The following GPC5 variants were observed in gnomAD, a reference collection of about 807,000 sequenced individuals.
The protein encoded by GPC5 is glypican 5.
In GPC5, 47 loss-of-function variants were observed where a neutral mutation model predicts 53.9. The observed-to-expected ratio is 0.87, with a 90% CI of 0.69 to 1.11. The LOEUF (loss-of-function observed/expected upper bound fraction) is 1.11. GPC5 is among the 50% of genes most tolerant of loss of function. The pLI, the probability that GPC5 is intolerant of heterozygous loss-of-function variation, is 0.00. For missense variants in GPC5, 748 were observed against 713.1 expected (o/e 1.05, Z -0.56); for synonymous variants, 286 against 263.3 (o/e 1.09, Z -0.84).
At chr13:91,860,988 A>G (rs745678465) in intron 5 of GPC5, among the ~76,000 whole-genome samples, 16 of 152,192 alleles carry the variant, frequency 1.1e-4, no homozygotes, top group African/African-American at 1.7e-4. Flanking sequence ...ACTATGAGTT[A>G]GTGTTTCATG....
chr13:91,464,457 A>C (rs1220337606), intron 2 of GPC5, among the ~76,000 whole-genome samples: 1 of 152,166 alleles, frequency 6.6e-6, no homozygotes, highest in Non-Finnish European at 1.5e-5. Flanking sequence ...TAGTAGCCCC[A>C]AACAGGAAAT....
At chr13:92,389,782 C>A (rs1423572888) in intron 7 of GPC5, among the ~76,000 whole-genome samples, 1 of 152,106 alleles carries the variant, frequency 6.6e-6, no homozygotes, top group African/African-American at 2.4e-5. Flanking sequence ...TATGAACACA[C>A]TGATATTAGT....
intron 6 of GPC5, among the ~76,000 whole-genome samples, chr13:91,930,743 C>T (rs1222269829): frequency 6.6e-6 from 1 of 152,040 alleles, no homozygotes; most frequent in Admixed American, 6.6e-5. Flanking sequence ...CCAAACTAAT[C>T]ATTCTTTGAC....
Position 91,950,040 on chromosome 13 carries a change from T to C in GPC5, c.1401+41983T>C, listed in dbSNP as rs146620763. 3.3e-3 allele frequency among the ~76,000 whole-genome samples: 497 copies of C among 152,224 alleles called. 4 individuals carry two copies. Among genetic ancestry groups the C allele is most frequent in the African/African-American group, 0.011 (468 of 41,552 alleles). ...GCATCAATTAAAAATATATAAATGC[T>C]TAATTAAGCTTTGGAGGGAACAGCC... On this transcript the variant is annotated intron_variant, in intron 6 of 7. Coordinates refer to ENST00000377067, the MANE Select transcript of GPC5 (RefSeq NM_004466.6).
chr13:92,479,354 C>G (rs139627915), intron 7 of GPC5, among the ~76,000 whole-genome samples: 1 of 152,042 alleles, frequency 6.6e-6, no homozygotes. Flanking sequence ...TAGAAGCAAG[C>G]GATAAACTTC....
intron 7 of GPC5, among the ~76,000 whole-genome samples, chr13:92,533,885 T>C (rs1190281866): frequency 6.6e-6 from 1 of 152,196 alleles, no homozygotes; most frequent in Non-Finnish European, 1.5e-5. Flanking sequence ...ACATTATTAA[T>C]AAAACTTTCA....
intron 6 of GPC5, among the ~76,000 whole-genome samples, chr13:92,143,619 T>C (rs771930326): frequency 6.6e-6 from 1 of 152,184 alleles, no homozygotes; most frequent in African/African-American, 2.4e-5. Flanking sequence ...ACTGTCAAAT[T>C]GTTTTAGTAT....
chr13:92,792,268 A>C (rs563717744), intron 7 of GPC5, among the ~76,000 whole-genome samples: 3 of 152,088 alleles, frequency 2.0e-5, no homozygotes, highest in African/African-American at 7.2e-5. Flanking sequence ...CATTCTTAAA[A>C]AGAATTTTCA....
chr13:92,347,710 A>G (rs2043424999), intron 7 of GPC5, among the ~76,000 whole-genome samples: 1 of 147,250 alleles, frequency 6.8e-6, no homozygotes, highest in South Asian at 2.1e-4. Context: ...TATTAAAACT[A>G]TAGCTGAAAT....
chr13:91,808,864 G>A lies in GPC5; in HGVS notation c.1280+52444G>A, dbSNP rs547049164. 8.5e-5 allele frequency among the ~76,000 whole-genome samples: 13 copies of A among 152,260 alleles called. 1 individual carries two copies. Among genetic ancestry groups the A allele is most frequent in the Admixed American group, 7.2e-4 (11 of 15,270 alleles). ...GAGGCAATAAACTATTTCTGAGCCA[G>A]TGCTAGCATTGTTTCACATCTCTGT... is the stretch of plus-strand genomic sequence containing the variant. On this transcript the variant is annotated intron_variant, in intron 5 of 7. Coordinates refer to ENST00000377067, the MANE Select transcript of GPC5 (RefSeq NM_004466.6).
chr13:91,678,862 T>G (rs1315801264), intron 2 of GPC5, among the ~76,000 whole-genome samples: 1 of 152,142 alleles, frequency 6.6e-6, no homozygotes, highest in African/African-American at 2.4e-5. Flanking sequence ...GAGAATGCCA[T>G]GTACTACTTA....
intron 7 of GPC5, among the ~76,000 whole-genome samples, chr13:92,220,910 T>C (rs2139087446): frequency 6.6e-6 from 1 of 152,314 alleles, no homozygotes; most frequent in African/African-American, 2.4e-5. Flanking sequence ...TGTTGTAGAC[T>C]CTTTAATGTC....
chr13:91,993,012 T>A (rs1371221963), intron 6 of GPC5, among the ~76,000 whole-genome samples: 2 of 152,348 alleles, frequency 1.3e-5, no homozygotes, highest in South Asian at 2.1e-4. Context: ...GAATGTGTCA[T>A]TCTTAGTAAA....
chr13:92,738,717 A>G (rs1436138156), intron 7 of GPC5, among the ~76,000 whole-genome samples: 1 of 152,128 alleles, frequency 6.6e-6, no homozygotes, highest in Non-Finnish European at 1.5e-5. Context: ...CAGACCAAGC[A>G]TCACTTTATT....
intron 5 of GPC5, among the ~76,000 whole-genome samples, chr13:91,867,602 A>T (rs974865515): frequency 1.3e-5 from 2 of 152,234 alleles, no homozygotes; most frequent in African/African-American, 4.8e-5. Context: ...CCCTATCACA[A>T]AAAGACAATG....
At chr13:91,843,243 A>C (rs1044028167) in intron 5 of GPC5, among the ~76,000 whole-genome samples, 15 of 152,316 alleles carry the variant, frequency 9.8e-5, no homozygotes, top group Admixed American at 5.9e-4. Context: ...ATACACACAA[A>C]ATTACAAATA....
intron 3 of GPC5, among the ~76,000 whole-genome samples, chr13:91,704,066 A>G (rs1298547703): frequency 2.0e-5 from 3 of 152,086 alleles, no homozygotes; most frequent in South Asian, 2.1e-4. Flanking sequence ...TGATCTAGCC[A>G]TTGTTGAAAG....
intron 5 of GPC5, among the ~76,000 whole-genome samples, chr13:91,807,607 T>C (rs2038242266): frequency 6.6e-6 from 1 of 152,206 alleles, no homozygotes; most frequent in South Asian, 2.1e-4. Flanking sequence ...GTTTGTTTTC[T>C]ATTGTAAATT....
chr13:91,444,146 G>A (rs9560797), intron 1 of GPC5, among the ~76,000 whole-genome samples: 69,955 of 151,784 alleles, frequency 0.46, 16,686 homozygotes, highest in Middle Eastern at 0.56. Flanking sequence ...TTTCTCTTAA[G>A]GCATTACGTT....
Sources: gnomAD v4.1 joint callset for allele counts (sites outside exome capture counted in the v4.1 genomes callset) on GRCh38, gnomAD v4.1.1 for gene constraint, MANE v1.5 for transcripts, NCBI Gene and HGNC (gene_info 2026-07-23, HGNC 2026-07-21) for gene names.